The following CYP4X1 variants were observed in gnomAD, a reference collection of about 807,000 sequenced individuals.
CYP4X1 encodes the protein cytochrome P450 family 4 subfamily X member 1, also known as cytochrome P450 4X1.
CYP4X1 carries 44 observed loss-of-function variants against 57.9 expected under a neutral mutation model. The observed-to-expected ratio is 0.76, with a 90% CI of 0.60 to 0.98. The LOEUF is 0.98. Ranked by LOEUF, CYP4X1 falls within the 50% of genes least tolerant of loss-of-function variation. The probability of loss-of-function intolerance (pLI) is 0.00; values close to 1 mark genes in which losing one functional copy is unlikely to be tolerated. For synonymous variants in CYP4X1, 227 were observed against 228.6 expected, an observed-to-expected ratio of 0.99 and a Z score of 0.06; for missense variants, 532 against 623.9, an observed-to-expected ratio of 0.85 and a Z score of 1.57.
At chr1:46,995,854 G>A in the CYP4X1 span, among the ~76,000 whole-genome samples, 4 of 152,192 alleles carry the variant, frequency 2.6e-5, no homozygotes, top group African/African-American at 9.7e-5. Flanking sequence ...GCTGCCTTTC[G>A]TTTAGTTCTG....
In CYP4X1 at chr1:47,023,857, T is replaced by C; in HGVS notation, c.40T>C (p.Phe14Leu). The change falls in exon 1 of 12, where the codon TTT (phenylalanine) becomes CTT (leucine). Residue 14 changes from phenylalanine to leucine, a missense_variant. Transcript: ENST00000371901. ...SWLETRWARP[F>L]YLAFVFCLAL... ...GCTGGAGACGCGCTGGGCGCGGCCC[T>C]TTTACCTGGCGTTCGTGTTCTGCCT... The C allele has an allele frequency of 4.3e-6, 7 of 1,613,558 alleles. No individual in the cohort carries two copies. The highest frequency in any genetic ancestry group is 5.9e-6 in the Non-Finnish European group (7 of 1,179,920).
At chr1:47,002,675 G>C in the CYP4X1 span, among the ~76,000 whole-genome samples, 1 of 152,174 alleles carries the variant, frequency 6.6e-6, no homozygotes, top group Non-Finnish European at 1.5e-5. Context: ...GTGTCCAGCT[G>C]AATAGCTCAT....
At chr1:46,972,617 G>A in the CYP4X1 span, among the ~76,000 whole-genome samples, 1 of 152,230 alleles carries the variant, frequency 6.6e-6, no homozygotes, top group Admixed American at 6.5e-5. Context: ...TCTTTCAGTA[G>A]TGTTTTATAA....
At chr1:47,011,987 G>A in the CYP4X1 span, among the ~76,000 whole-genome samples, 99 of 152,300 alleles carry the variant, frequency 6.5e-4, no homozygotes, top group African/African-American at 2.1e-3. Context: ...CAATCATTGT[G>A]GAAGACAGTG....
the CYP4X1 span, among the ~76,000 whole-genome samples, chr1:47,013,530 A>G: frequency 4.5e-4 from 69 of 152,306 alleles, no homozygotes; most frequent in African/African-American, 1.5e-3. Flanking sequence ...CAGTTACACC[A>G]TAAGTTACAT....
the CYP4X1 span, among the ~76,000 whole-genome samples, chr1:46,982,876 C>A: frequency 1.3e-5 from 2 of 152,182 alleles, no homozygotes; most frequent in Non-Finnish European, 2.9e-5. Context: ...CTTTTTGTTA[C>A]CTCCCCATCT....
intron 6 of CYP4X1, among the ~76,000 whole-genome samples, chr1:47,038,094 TA>T (rs1644205119): frequency 1.3e-5 from 2 of 152,158 alleles, no homozygotes; most frequent in Non-Finnish European, 2.9e-5. Flanking sequence ...TCAACATTAA[TA>T]GACCTTATTT....
At chr1:46,999,067 T>TGTGTGTGTGTGTGTGTGTGTG in the CYP4X1 span, among the ~76,000 whole-genome samples, 3 of 144,468 alleles carry the variant, frequency 2.1e-5, no homozygotes, top group African/African-American at 7.5e-5. Context: ...TGTGTGTGTG[T>TGTGTGTGTGTGTGTGTGTGTG]TTTGGTGCTG....
At chr1:46,976,389 TGAGG>T in the CYP4X1 span, among the ~76,000 whole-genome samples, 1 of 152,118 alleles carries the variant, frequency 6.6e-6, no homozygotes, top group African/African-American at 2.4e-5. Flanking sequence ...GCAGCCTGGC[TGAGG>T]GAGGGGCATC....
chr1:46,962,199 C>T, the CYP4X1 span, among the ~76,000 whole-genome samples: 1 of 152,084 alleles, frequency 6.6e-6, no homozygotes, highest in Non-Finnish European at 1.5e-5. Flanking sequence ...TCACTGCAGC[C>T]TCCGCCTCCC....
At chr1:46,964,392 T>C in the CYP4X1 span, among the ~76,000 whole-genome samples, 853 of 152,334 alleles carry the variant, frequency 5.6e-3, 4 homozygotes, top group Admixed American at 9.7e-3. Context: ...TGGACTTTGA[T>C]GATGGTGACG....
chr1:46,999,755 C>T, the CYP4X1 span, among the ~76,000 whole-genome samples: 2 of 147,356 alleles, frequency 1.4e-5, no homozygotes, highest in Non-Finnish European at 1.5e-5. Flanking sequence ...AACTCTTTTT[C>T]TTTTTTTTTT....
At chr1:47,054,796 T>C (rs1045610094), downstream of CYP4X1, among the ~76,000 whole-genome samples, 28 of 152,220 alleles carry the variant, frequency 1.8e-4, no homozygotes, top group Non-Finnish European at 3.5e-4. Context: ...CTGAAGTTGT[T>C]TATCAGCTTA....
chr1:47,022,418 G>A (rs1300760878), upstream of CYP4X1, among the ~76,000 whole-genome samples: 1 of 151,146 alleles, frequency 6.6e-6, no homozygotes, highest in Non-Finnish European at 1.5e-5. Context: ...AGCCTCCTGA[G>A]TAGCTGGGAT....
chr1:46,993,971 T>C, the CYP4X1 span, among the ~76,000 whole-genome samples: 2 of 152,250 alleles, frequency 1.3e-5, no homozygotes, highest in Admixed American at 1.3e-4. Context: ...TTTGTTGCCA[T>C]TGCTTTTCGT....
At chr1:47,015,622 C>G in the CYP4X1 span, among the ~76,000 whole-genome samples, 2 of 152,084 alleles carry the variant, frequency 1.3e-5, no homozygotes, top group Non-Finnish European at 2.9e-5. Flanking sequence ...CTTGATGCAT[C>G]CATAAAAATA....
At chr1:46,993,312 T>C in the CYP4X1 span, among the ~76,000 whole-genome samples, 1 of 151,170 alleles carries the variant, frequency 6.6e-6, no homozygotes, top group Non-Finnish European at 1.5e-5. Context: ...TGTGCCACAT[T>C]TTCTTAATCC....
At chr1:47,021,659 G>A (rs114371234), upstream of CYP4X1, among the ~76,000 whole-genome samples, 1,241 of 152,290 alleles carry the variant, frequency 8.1e-3, 10 homozygotes, top group Non-Finnish European at 0.013. Flanking sequence ...TAAATATAGT[G>A]CAAAAAGTTC....
the CYP4X1 span, among the ~76,000 whole-genome samples, chr1:46,992,531 T>C: frequency 1.3e-5 from 2 of 152,240 alleles, no homozygotes; most frequent in East Asian, 3.8e-4. Flanking sequence ...CTGGCTATTT[T>C]CACTTAGCAT....
Sources: gnomAD v4.1 joint callset for allele counts (sites outside exome capture counted in the v4.1 genomes callset) on GRCh38, gnomAD v4.1.1 for gene constraint, MANE v1.5 for transcripts, NCBI Gene and HGNC (gene_info 2026-07-23, HGNC 2026-07-21) for gene names.